NPLOC4: variants seen among roughly 807,000 people sequenced by gnomAD.
NPLOC4 encodes the protein NPL4 homolog, ubiquitin recognition factor.
In NPLOC4, 18 loss-of-function variants were observed where a neutral mutation model predicts 80.6. That is an observed-to-expected ratio of 0.22 (90% CI 0.15 to 0.33). The LOEUF is 0.33. NPLOC4 is among the 10% of genes least tolerant of loss of function. The probability of loss-of-function intolerance (pLI) is 1.00; values close to 1 mark genes in which losing one functional copy is unlikely to be tolerated. For synonymous variants in NPLOC4, 313 were observed against 301.5 expected (o/e 1.04, Z -0.39); for missense variants, 540 against 786.1 (o/e 0.69, Z 3.74).
intron 12 of NPLOC4, among the ~76,000 whole-genome samples, chr17:81,575,074 A>G (rs895720652): frequency 6.6e-6 from 1 of 152,190 alleles, no homozygotes; most frequent in Non-Finnish European, 1.5e-5. Context: ...GATAACTCAG[A>G]AAAAACAAAG....
intron 2 of NPLOC4, among the ~76,000 whole-genome samples, chr17:81,624,496 G>A (rs1009323947): frequency 1.3e-5 from 2 of 152,088 alleles, no homozygotes; most frequent in African/African-American, 4.8e-5. Context: ...CTAGTCGGTG[G>A]GCTGAGACAG....
intron 13 of NPLOC4, among the ~76,000 whole-genome samples, chr17:81,570,213 G>A (rs1361505412): frequency 2.0e-5 from 3 of 152,222 alleles, no homozygotes; most frequent in East Asian, 1.9e-4. Flanking sequence ...CTCGGGCCGC[G>A]GTGCCACGTG....
At chr17:81,597,693 G>T (rs1204678416) in intron 9 of NPLOC4, among the ~76,000 whole-genome samples, 1 of 150,940 alleles carries the variant, frequency 6.6e-6, no homozygotes, top group Non-Finnish European at 1.5e-5. Context: ...TGAGGCAGGA[G>T]AATCACTTGA....
intron 7 of NPLOC4, among the ~76,000 whole-genome samples, chr17:81,605,726 A>C (rs2144221708): frequency 6.6e-6 from 1 of 152,060 alleles, no homozygotes; most frequent in South Asian, 2.1e-4. Flanking sequence ...GAGGATGGAG[A>C]TGGGTTTCAT....
At chr17:81,564,846 C>CTG (rs1406474217) in intron 16 of NPLOC4, 4 of 158,722 alleles carry the variant, frequency 2.5e-5, no homozygotes, top group African/African-American at 7.2e-5. Flanking sequence ...CTTTTGAAGG[C>CTG]TGTGTTAACA....
intron 8 of NPLOC4, among the ~76,000 whole-genome samples, chr17:81,602,958 T>TATAC (rs1242662137): frequency 7.1e-6 from 1 of 141,218 alleles, no homozygotes; most frequent in East Asian, 2.1e-4. Context: ...CACATATATA[T>TATAC]ACACACATAT....
At chr17:81,626,771 C>G (rs1203942246) in intron 2 of NPLOC4, among the ~76,000 whole-genome samples, 1 of 152,058 alleles carries the variant, frequency 6.6e-6, no homozygotes, top group African/African-American at 2.4e-5. Context: ...GCACTCCAAC[C>G]TAGGCAAAAA....
At chr17:81,610,617 G>A (rs1230230904) in intron 4 of NPLOC4, among the ~76,000 whole-genome samples, 2 of 152,010 alleles carry the variant, frequency 1.3e-5, no homozygotes, top group African/African-American at 4.8e-5. Flanking sequence ...AAACTGACCC[G>A]CACATCAAAC....
chr17:81,587,290 A>C (rs547701300), intron 12 of NPLOC4, among the ~76,000 whole-genome samples: 6 of 152,326 alleles, frequency 3.9e-5, no homozygotes. Flanking sequence ...CCTGGCCAAC[A>C]TAGTGACACC....
intron 3 of NPLOC4, among the ~76,000 whole-genome samples, chr17:81,618,895 A>C (rs890608506): frequency 6.6e-6 from 1 of 152,158 alleles, no homozygotes; most frequent in Admixed American, 6.6e-5. Flanking sequence ...CTGTTGATCT[A>C]TGACCTTACC....
In NPLOC4 at chr17:81,577,020, A is replaced by G. The variant is rs1345548620; in HGVS notation, c.1282-4932T>C. Among the ~76,000 whole-genome samples, 2 of 152,220 alleles carry G rather than the reference A, an allele frequency of 1.3e-5. No homozygotes were observed. Among genetic ancestry groups the G allele is most frequent in the Non-Finnish European group, 2.9e-5 (2 of 68,030 alleles). On this transcript the variant is annotated intron_variant, in intron 12 of 16. Coordinates refer to ENST00000331134, the MANE Select transcript of NPLOC4 (RefSeq NM_017921.4). This position sits in a 1 kb window ranked among gnomAD's most constrained non-coding sequence, Gnocchi z 4.3. ...CCCAAGTAATTTAAAGCATGCACTA[A>G]GAATGAGTTACAGGGTCCACCAAGT...
At chr17:81,594,631 C>T (rs370461248) in intron 11 of NPLOC4, among the ~76,000 whole-genome samples, 2 of 151,930 alleles carry the variant, frequency 1.3e-5, no homozygotes, top group South Asian at 2.1e-4. Context: ...AAAAATTAGC[C>T]GGGTATGCTG....
At chr17:81,591,447 GAAAAAA>G (rs71367067) in intron 11 of NPLOC4, among the ~76,000 whole-genome samples, 2 of 76,326 alleles carry the variant, frequency 2.6e-5, no homozygotes, top group Admixed American at 3.3e-4. Context: ...GAGTAAAACA[GAAAAAA>G]AAAAAAAAAA....
intron 12 of NPLOC4, among the ~76,000 whole-genome samples, chr17:81,578,295 C>T (rs148362945): frequency 6.6e-6 from 1 of 152,110 alleles, no homozygotes; most frequent in Non-Finnish European, 1.5e-5. Flanking sequence ...CGCGTGGCTT[C>T]CTCTCACACA....
In NPLOC4 at chr17:81,607,992, G is replaced by C. The variant is rs1267751508; in HGVS notation, c.530+736C>G. Among the ~76,000 whole-genome samples the C allele has an allele frequency of 2.0e-5, 3 of 152,318 alleles. No individual in the cohort carries two copies. In the East Asian group the frequency reaches 5.8e-4, roughly 29 times the overall value. On this transcript the variant is annotated intron_variant, in intron 6 of 16. Coordinates refer to ENST00000331134, the MANE Select transcript of NPLOC4 (RefSeq NM_017921.4). ...GCTACTTTCTGGTAGGGTGTACAGA[G>C]AGCCAACAGGAGAAGGTCATACAGG...
At chr17:81,593,992 G>C in intron 11 of NPLOC4, among the ~76,000 whole-genome samples, 1 of 152,104 alleles carries the variant, frequency 6.6e-6, no homozygotes, top group East Asian at 1.9e-4. Flanking sequence ...AATCTGACTC[G>C]GCCGGGCGCA....
At chr17:81,620,568 G>A (rs539955136) in intron 3 of NPLOC4, among the ~76,000 whole-genome samples, 150 of 152,294 alleles carry the variant, frequency 9.8e-4, no homozygotes, top group Non-Finnish European at 1.6e-3. Flanking sequence ...GGCTGCCAAT[G>A]CCTTATCCCC....
At chr17:81,611,372 C>T (rs886297149) in intron 4 of NPLOC4, among the ~76,000 whole-genome samples, 1 of 150,896 alleles carries the variant, frequency 6.6e-6, no homozygotes, top group African/African-American at 2.4e-5. Context: ...TTTTCTGAGA[C>T]GGAGTTTCAC....
intron 1 of NPLOC4, among the ~76,000 whole-genome samples, chr17:81,632,865 T>C (rs2035966758): frequency 6.6e-6 from 1 of 152,142 alleles, no homozygotes; most frequent in African/African-American, 2.4e-5. Context: ...CATTTTCCCA[T>C]AACTTTCACT....
Sources: gnomAD v4.1 joint callset for allele counts (sites outside exome capture counted in the v4.1 genomes callset) on GRCh38, gnomAD v4.1.1 for gene constraint, Gnocchi (gnomAD v3.1) non-coding constraint, MANE v1.5 for transcripts, NCBI Gene and HGNC (gene_info 2026-07-23, HGNC 2026-07-21) for gene names.